KHDRBS1: variants seen among roughly 807,000 people sequenced by gnomAD.
KHDRBS1 encodes the protein KH domain-containing, RNA-binding, signal transduction-associated protein 1.
Under a neutral mutation model 48.4 loss-of-function variants are expected in KHDRBS1, and 7 were observed. The observed-to-expected ratio is 0.14, with a 90% CI of 0.08 to 0.27. KHDRBS1 has a LOEUF of 0.27. Among genes scored for constraint, KHDRBS1 ranks in the 10% least tolerant of loss-of-function variants. KHDRBS1 has a pLI of 1.00. For synonymous variants in KHDRBS1, 241 were observed against 235.8 expected, an observed-to-expected ratio of 1.02 and a Z score of -0.20; for missense variants, 458 against 601.2, an observed-to-expected ratio of 0.76 and a Z score of 2.49.
intron 4 of KHDRBS1, among the ~76,000 whole-genome samples, chr1:32,035,248 A>T (rs1208687694): frequency 6.6e-6 from 1 of 151,712 alleles, no homozygotes; most frequent in Non-Finnish European, 1.5e-5. Flanking sequence ...CTTGCCGGGG[A>T]GATGTGGGTT....
chr1:32,055,964 C>T (rs564691715), intron 10 of KHDRBS1, among the ~76,000 whole-genome samples: 126 of 152,196 alleles, frequency 8.3e-4, no homozygotes, highest in Non-Finnish European at 1.2e-3. Flanking sequence ...CTGTAGCACT[C>T]TCTGTTTTTT....
chr1:32,035,097 A>G (rs1398650601), intron 4 of KHDRBS1, among the ~76,000 whole-genome samples: 2 of 152,040 alleles, frequency 1.3e-5, no homozygotes, highest in South Asian at 2.1e-4. Flanking sequence ...GGGGTGTTCT[A>G]TTGATCACCC....
intron 2 of KHDRBS1, among the ~76,000 whole-genome samples, chr1:32,031,294 A>G (rs1390875437): frequency 1.3e-5 from 2 of 152,202 alleles, no homozygotes; most frequent in African/African-American, 2.4e-5. Context: ...GTATTATGGA[A>G]GAGCACCAGA....
intron 1 of KHDRBS1, among the ~76,000 whole-genome samples, chr1:32,018,899 T>G (rs1391722254): frequency 6.6e-6 from 1 of 152,132 alleles, no homozygotes; most frequent in African/African-American, 2.4e-5. Context: ...GGTGAAACCC[T>G]GTCTCTACTA....
intron 10 of KHDRBS1, among the ~76,000 whole-genome samples, chr1:32,058,595 A>T (rs986324558): frequency 6.6e-6 from 1 of 152,136 alleles, no homozygotes; most frequent in Non-Finnish European, 1.5e-5. Context: ...TGATGAGTGG[A>T]GAATGGTTAT....
rs115420071 is a variant in KHDRBS1, at chr1:32,017,929, A to G, written c.382+3552A>G. Among the ~76,000 whole-genome samples, 146 of 152,134 alleles carry G rather than the reference A, an allele frequency of 9.6e-4. 1 individual carries two copies. Among genetic ancestry groups the G allele is most frequent in the African/African-American group, 3.5e-3 (144 of 41,508 alleles). On this transcript the variant is annotated intron_variant, in intron 1 of 8. Coordinates refer to ENST00000327300, the MANE Select transcript of KHDRBS1 (RefSeq NM_006559.3). ...GCCTATTTTTCTACTTTCTACAATT[A>G]GGGAAATACAAGTTAGTATAAGTGA...
At chr1:32,027,481 G>C (rs1464014268) in intron 1 of KHDRBS1, among the ~76,000 whole-genome samples, 1 of 152,208 alleles carries the variant, frequency 6.6e-6, no homozygotes, top group Admixed American at 6.5e-5. Context: ...CTCACAAGTA[G>C]ACTGTTGAAT....
At chr1:32,032,196 T>C (rs1351693972) in intron 3 of KHDRBS1, among the ~76,000 whole-genome samples, 3 of 152,218 alleles carry the variant, frequency 2.0e-5, no homozygotes, top group Non-Finnish European at 4.4e-5. Context: ...GCGTACGCTG[T>C]GTACTCTGTG....
intron 2 of KHDRBS1, among the ~76,000 whole-genome samples, chr1:32,031,039 A>G (rs1468288134): frequency 2.0e-5 from 3 of 152,120 alleles, no homozygotes; most frequent in African/African-American, 7.2e-5. Flanking sequence ...GCTTGAGCCC[A>G]GGAGTTCAAG....
intron 7 of KHDRBS1, 69 bp downstream of exon 7, chr1:32,038,688 G>T (rs972638224): frequency 1.4e-6 from 2 of 1,444,224 alleles, no homozygotes; most frequent in Non-Finnish European, 9.7e-7. Context: ...GGAACAGAGA[G>T]ATTTAGACAG....
rs542731722 is a variant in KHDRBS1 at position 32,016,962 on chromosome 1, G to GA, written c.382+2591dup. On this transcript the variant is annotated intron_variant, in intron 1 of 8. Transcript: ENST00000327300. ...CACCTTCATTGAAGATGGGACTGAT[G>GA]AAAAAATGATGACAGCCGTGCACGG... 8.5e-5 allele frequency among the ~76,000 whole-genome samples: 13 copies of GA among 152,110 alleles called. No individual in the cohort carries two copies. In the East Asian group the frequency reaches 2.3e-3, roughly 27 times the overall value.
chr1:32,014,241 G>A lies in KHDRBS1; in HGVS notation c.246G>A (p.Ala82=), dbSNP rs1274487432. The A allele has an allele frequency of 2.0e-6, 3 of 1,530,308 alleles. No individual in the cohort carries two copies. The highest frequency in any genetic ancestry group is 2.6e-5 in the East Asian group (1 of 38,482). The allele number at this position is 1,530,308 out of a possible 1,614,324, so 94.8% of individuals were successfully genotyped here. A position where few individuals can be genotyped will look rare whatever the true frequency, so the allele number is the denominator to read the frequency against. Residue 82 remains alanine (A), a synonymous_variant, in exon 1 of 9, where the codon GCG becomes GCA. Coordinates refer to ENST00000327300, the MANE Select transcript of KHDRBS1 (RefSeq NM_006559.3). The stretch of plus-strand genomic sequence containing the variant: ...CCGACGCGACAGTGGGCGGGCCAGC[G>A]CCGACCCCGCTGCTGCCCCCCTCGG... The part of the protein sequence containing the change: ...TGPDATVGGP[A]PTPLLPPSAT...
At chr1:32,036,660 T>G (rs374767881) in intron 4 of KHDRBS1, among the ~76,000 whole-genome samples, 8 of 152,010 alleles carry the variant, frequency 5.3e-5, no homozygotes, top group East Asian at 3.9e-4. Context: ...AGGTTATATA[T>G]AGAGAGAGAA....
At chr1:32,029,484 C>T (rs1157591364) in intron 1 of KHDRBS1, among the ~76,000 whole-genome samples, 3 of 152,154 alleles carry the variant, frequency 2.0e-5, no homozygotes, top group African/African-American at 7.2e-5. Flanking sequence ...ATGGAGAAAA[C>T]CCTTCTCTAC....
intron 1 of KHDRBS1, among the ~76,000 whole-genome samples, chr1:32,018,345 C>T (rs904053729): frequency 6.6e-6 from 1 of 152,054 alleles, no homozygotes. Flanking sequence ...CCTGTAATCC[C>T]AGCTACTCAG....
intron 10 of KHDRBS1, among the ~76,000 whole-genome samples, chr1:32,049,328 T>G (rs1162727925): frequency 6.6e-6 from 1 of 152,130 alleles, no homozygotes; most frequent in African/African-American, 2.4e-5. Context: ...AGTTTGGGAT[T>G]ACAGACGTGA....
chr1:32,047,455 G>A (rs1311837836), downstream of KHDRBS1, among the ~76,000 whole-genome samples: 2 of 152,158 alleles, frequency 1.3e-5, no homozygotes, highest in East Asian at 1.9e-4. Flanking sequence ...CACTGTACCC[G>A]GCCAGCCTGT....
chr1:32,021,236 C>T (rs1239738021), intron 1 of KHDRBS1, among the ~76,000 whole-genome samples: 3 of 151,854 alleles, frequency 2.0e-5, no homozygotes, highest in Non-Finnish European at 4.4e-5. Context: ...AAAAATTGAG[C>T]CCATATGAAA....
intron 1 of KHDRBS1, among the ~76,000 whole-genome samples, chr1:32,017,872 G>C (rs1557888407): frequency 6.6e-6 from 1 of 151,814 alleles, no homozygotes; most frequent in Non-Finnish European, 1.5e-5. Context: ...CTCCCAAAGT[G>C]CTGGAATTAC....
Sources: gnomAD v4.1 joint callset for allele counts (sites outside exome capture counted in the v4.1 genomes callset) on GRCh38, gnomAD v4.1.1 for gene constraint, MANE v1.5 for transcripts, NCBI Gene and HGNC (gene_info 2026-07-23, HGNC 2026-07-21) for gene names.